The following DNM3 variants were observed in gnomAD, a reference collection of about 807,000 sequenced individuals.
The protein encoded by DNM3 is dynamin 3, also known as dynamin-3.
DNM3 carries 47 observed loss-of-function variants against 101.6 expected under a neutral mutation model. The ratio of observed to expected loss-of-function variants is 0.46; its 90% CI spans 0.37 to 0.59. The LOEUF is 0.59. DNM3 is among the 20% of genes least tolerant of loss of function. The pLI, the probability that DNM3 is intolerant of heterozygous loss-of-function variation, is 0.00. For missense variants in DNM3, 849 were observed against 1,085.7 expected, an observed-to-expected ratio of 0.78 and a Z score of 3.06; for synonymous variants, 385 against 387.9, an observed-to-expected ratio of 0.99 and a Z score of 0.09.
At chr1:172,369,147 C>G (rs1472252018) in intron 17 of DNM3, among the ~76,000 whole-genome samples, 1 of 151,576 alleles carries the variant, frequency 6.6e-6, no homozygotes, top group African/African-American at 2.4e-5. Flanking sequence ...ATTACAAAGC[C>G]AAACCAGAGA....
chr1:172,305,049 C>A (rs551814988), intron 15 of DNM3, among the ~76,000 whole-genome samples: 3 of 151,888 alleles, frequency 2.0e-5, no homozygotes, highest in South Asian at 4.2e-4. Flanking sequence ...GAACTGAAGG[C>A]GATAGAGACA....
intron 1 of DNM3, among the ~76,000 whole-genome samples, chr1:171,847,994 T>C (rs1377183834): frequency 2.0e-5 from 3 of 151,482 alleles, no homozygotes; most frequent in African/African-American, 7.3e-5. Flanking sequence ...GATGACATTA[T>C]TATAAGAAGC....
intron 20 of DNM3, among the ~76,000 whole-genome samples, chr1:172,397,699 C>T (rs1336765939): frequency 6.6e-6 from 1 of 152,164 alleles, no homozygotes; most frequent in East Asian, 1.9e-4. Flanking sequence ...AATAGTGTTT[C>T]TGGTGTTTGC....
At chr1:172,079,143 T>C (rs1275564518) in intron 11 of DNM3, among the ~76,000 whole-genome samples, 1 of 152,200 alleles carries the variant, frequency 6.6e-6, no homozygotes, top group Non-Finnish European at 1.5e-5. Flanking sequence ...TTTCTGTATT[T>C]CCTGAATTTG....
chr1:172,281,195 A>G (rs540909139), intron 15 of DNM3, among the ~76,000 whole-genome samples: 158 of 152,264 alleles, frequency 1.0e-3, no homozygotes, highest in Non-Finnish European at 1.7e-3. Context: ...GAACTGACAG[A>G]AGTATAGAGA....
intron 14 of DNM3, among the ~76,000 whole-genome samples, chr1:172,235,822 A>G (rs900735052): frequency 2.0e-5 from 3 of 151,818 alleles, no homozygotes; most frequent in Admixed American, 6.5e-5. Context: ...AGGAAGGGGA[A>G]CATAACACAC....
At chr1:171,946,248 G>T (rs1373791616) in intron 2 of DNM3, among the ~76,000 whole-genome samples, 1 of 152,128 alleles carries the variant, frequency 6.6e-6, no homozygotes, top group Non-Finnish European at 1.5e-5. Context: ...ACAAAAGACA[G>T]ATTAGCAAGA....
At chr1:172,234,676 C>T (rs1390312033) in intron 14 of DNM3, among the ~76,000 whole-genome samples, 2 of 151,936 alleles carry the variant, frequency 1.3e-5, no homozygotes, top group Non-Finnish European at 2.9e-5. Flanking sequence ...GTACTGGTAC[C>T]AAAACAGAGA....
intron 1 of DNM3, among the ~76,000 whole-genome samples, chr1:171,880,263 AAT>A (rs71711712): frequency 0.12 from 17,558 of 152,208 alleles, 1,194 homozygotes; most frequent in South Asian, 0.24. Flanking sequence ...AGATTTTTAA[AAT>A]ATATTTTTTT....
chr1:172,062,578 AC>A (rs2051325809), intron 10 of DNM3, among the ~76,000 whole-genome samples: 2 of 152,246 alleles, frequency 1.3e-5, no homozygotes, highest in South Asian at 4.2e-4. Flanking sequence ...GGATTTGCCC[AC>A]CTGGAGAAGG....
intron 13 of DNM3, among the ~76,000 whole-genome samples, chr1:172,093,263 C>T (rs1346425371): frequency 6.6e-6 from 1 of 152,116 alleles, no homozygotes; most frequent in African/African-American, 2.4e-5. Context: ...CACACATTTG[C>T]ACAGCTTGGT....
intron 13 of DNM3, among the ~76,000 whole-genome samples, chr1:172,111,983 G>T (rs1040445815): frequency 6.6e-5 from 10 of 152,010 alleles, no homozygotes. Context: ...ACTGCTCTAC[G>T]TATTTATACT....
intron 2 of DNM3, among the ~76,000 whole-genome samples, chr1:171,980,223 G>A (rs2044691299): frequency 6.8e-6 from 1 of 146,976 alleles, no homozygotes; most frequent in African/African-American, 2.5e-5. Flanking sequence ...TTTTATATCT[G>A]GGTCCTATGT....
At chr1:172,105,751 A>C (rs1013674228) in intron 13 of DNM3, among the ~76,000 whole-genome samples, 4 of 152,062 alleles carry the variant, frequency 2.6e-5, no homozygotes, top group Non-Finnish European at 4.4e-5. Context: ...TCTGTTTATT[A>C]TAATTTTCTG....
chr1:172,044,352 G>A (rs1475429303), intron 8 of DNM3, 33 bp from the exon 9 acceptor site: 2 of 1,558,752 alleles, frequency 1.3e-6, no homozygotes, highest in Non-Finnish European at 1.8e-6. Context: ...AAGGAATTAA[G>A]TGTCATAACT....
intron 13 of DNM3, among the ~76,000 whole-genome samples, chr1:172,109,691 G>A (rs908254092): frequency 1.3e-5 from 2 of 152,192 alleles, no homozygotes; most frequent in Non-Finnish European, 2.9e-5. Context: ...TGCTCTGGAT[G>A]ACTGATATTT....
chr1:172,030,865 C>T (rs541291463), intron 4 of DNM3, among the ~76,000 whole-genome samples: 1 of 152,212 alleles, frequency 6.6e-6, no homozygotes, highest in East Asian at 1.9e-4. Context: ...CCATCTCATG[C>T]CAGTTAGAAT....
intron 1 of DNM3, among the ~76,000 whole-genome samples, chr1:171,915,259 A>G (rs2039621886): frequency 6.6e-6 from 1 of 152,240 alleles, no homozygotes; most frequent in South Asian, 2.1e-4. Flanking sequence ...ATTTCATGCT[A>G]AAGATCCTGG....
At chr1:172,311,731 A>G (rs2065091197) in intron 16 of DNM3, among the ~76,000 whole-genome samples, 1 of 152,148 alleles carries the variant, frequency 6.6e-6, no homozygotes, top group Admixed American at 6.5e-5. Context: ...ACAAAGAAAT[A>G]TTTTCTATTT....
Sources: gnomAD v4.1 joint callset for allele counts (sites outside exome capture counted in the v4.1 genomes callset) on GRCh38, gnomAD v4.1.1 for gene constraint, MANE v1.5 for transcripts, NCBI Gene and HGNC (gene_info 2026-07-23, HGNC 2026-07-21) for gene names.